BIN3: variants seen among roughly 807,000 people sequenced by gnomAD.
BIN3 encodes bridging integrator 3.
A neutral mutation model predicts 38.2 loss-of-function variants in BIN3; 41 were observed. The observed-to-expected ratio is 1.07, with a 90% CI of 0.84 to 1.39. BIN3 has a LOEUF of 1.39. Ranked by LOEUF, BIN3 falls within the 40% of genes most tolerant of loss-of-function variation. BIN3 has a pLI of 0.00. For synonymous variants in BIN3, 145 were observed against 122.6 expected (o/e 1.18, Z -1.21); for missense variants, 361 against 324.3 (o/e 1.11, Z -0.87).
chr8:22,637,164 G>A (rs773501456), intron 2 of BIN3, among the ~76,000 whole-genome samples: 18 of 152,148 alleles, frequency 1.2e-4, no homozygotes, highest in Non-Finnish European at 2.2e-4. Context: ...ACGGAGGAAG[G>A]CTCCCCTCCC....
rs1430207984 is a variant in BIN3, at chr8:22,669,103, T to C, written c.-52A>G. ...GGTCCTCAGCCACAACTCGTTTCTCTAGGGTCACTTCCGGATTCAACCAGT... is the reference window on the plus strand; with the variant it reads ...GGTCCTCAGCCACAACTCGTTTCTCCAGGGTCACTTCCGGATTCAACCAGT... On this transcript the variant is annotated 5_prime_UTR_variant, in exon 1 of 9. Coordinates refer to ENST00000276416, the MANE Select transcript of BIN3 (RefSeq NM_018688.6). 1.9e-6 allele frequency: 3 copies of C among 1,570,738 alleles called. No individual in the cohort carries two copies. The highest frequency in any genetic ancestry group is 2.6e-6 in the Non-Finnish European group (3 of 1,157,192).
chr8:22,639,374 G>A (rs1217660912), intron 2 of BIN3, among the ~76,000 whole-genome samples: 7 of 152,142 alleles, frequency 4.6e-5, no homozygotes, highest in Non-Finnish European at 7.3e-5. Context: ...TGGGACTATA[G>A]GCATATGCCA....
At chr8:22,663,034 G>A (rs1426636114) in intron 1 of BIN3, among the ~76,000 whole-genome samples, 2 of 152,190 alleles carry the variant, frequency 1.3e-5, no homozygotes, top group Admixed American at 1.3e-4. Flanking sequence ...CACGAGAATC[G>A]CTTCAACCCG....
intron 4 of BIN3, among the ~76,000 whole-genome samples, chr8:22,631,667 G>A (rs904859943): frequency 6.6e-6 from 1 of 152,176 alleles, no homozygotes; most frequent in Non-Finnish European, 1.5e-5. Flanking sequence ...CAGTGGACAG[G>A]TCCATCAGGC....
Position 22,621,375 on chromosome 8 carries a change from G to A in BIN3, c.*47C>T. Reference sequence around the variant, plus strand: ...AGCTAGCCCTGAGAAGGGCAAGGATGAATGAGGCTGACCACGTCACAGGAG... The same window carrying A: ...AGCTAGCCCTGAGAAGGGCAAGGATAAATGAGGCTGACCACGTCACAGGAG... On this transcript the variant is annotated 3_prime_UTR_variant, in exon 9 of 9. Coordinates refer to ENST00000276416, the MANE Select transcript of BIN3 (RefSeq NM_018688.6). 1 of 1,582,976 alleles carries A rather than the reference G, an allele frequency of 6.3e-7. No homozygotes were observed. The highest frequency in any genetic ancestry group is 8.6e-7 in the Non-Finnish European group (1 of 1,164,152).
At chr8:22,667,019 T>C (rs1321975224) in intron 1 of BIN3, among the ~76,000 whole-genome samples, 5 of 152,296 alleles carry the variant, frequency 3.3e-5, no homozygotes, top group South Asian at 2.1e-4. Flanking sequence ...CTGAGTGTGA[T>C]TGTGTGCCCA....
At chr8:22,660,896 G>GT in intron 1 of BIN3, among the ~76,000 whole-genome samples, 1 of 152,076 alleles carries the variant, frequency 6.6e-6, no homozygotes, top group African/African-American at 2.4e-5. Context: ...TTTTAACTTA[G>GT]TTTTTTTGAG....
intron 8 of BIN3, among the ~76,000 whole-genome samples, chr8:22,621,804 C>A (rs1801830965): frequency 6.6e-6 from 1 of 152,218 alleles, no homozygotes; most frequent in South Asian, 2.1e-4. Flanking sequence ...CTTCGGGCTC[C>A]TGGTTCCCCC....
intron 1 of BIN3, among the ~76,000 whole-genome samples, chr8:22,650,023 A>G (rs1221867463): frequency 6.6e-6 from 1 of 152,202 alleles, no homozygotes; most frequent in Non-Finnish European, 1.5e-5. Context: ...GATTTTTAAG[A>G]GCTACGGAAG....
intron 6 of BIN3, chr8:22,629,648 A>G (rs1265612934): frequency 2.2e-6 from 1 of 460,632 alleles, no homozygotes; most frequent in Non-Finnish European, 4.0e-6. Context: ...CCATTCAGCA[A>G]GCCCTGGCCC....
intron 8 of BIN3, among the ~76,000 whole-genome samples, chr8:22,622,336 C>T (rs1398614493): frequency 6.6e-6 from 1 of 152,240 alleles, no homozygotes; most frequent in East Asian, 1.9e-4. Context: ...AGGAGGAGCT[C>T]TAGACACTAA....
chr8:22,636,253 C>T (rs551879807), intron 4 of BIN3, among the ~76,000 whole-genome samples: 1 of 152,330 alleles, frequency 6.6e-6, no homozygotes, highest in African/African-American at 2.4e-5. Flanking sequence ...GAGGCATCTG[C>T]TACCAGAAGC....
Position 22,642,763 on chromosome 8 carries a change from T to G in BIN3, c.57+1992A>C, listed in dbSNP as rs567349375. Among the ~76,000 whole-genome samples the G allele has an allele frequency of 2.0e-5, 3 of 152,186 alleles. No individual in the cohort carries two copies. In the East Asian group the frequency reaches 5.8e-4, roughly 29 times the overall value. On this transcript the variant is annotated intron_variant, in intron 2 of 8. Coordinates refer to ENST00000276416, the MANE Select transcript of BIN3 (RefSeq NM_018688.6). The stretch of plus-strand genomic sequence containing the variant: ...AACTTGCCCAAGGTCAGAGACAGCA[T>G]GTGGCAGGGCCAGGATGGGGACCCA...
intron 1 of BIN3, among the ~76,000 whole-genome samples, chr8:22,646,929 AATGAGGTCCCAGTGGCATTGCAG>A (rs1802732051): frequency 2.7e-5 from 4 of 150,044 alleles, no homozygotes; most frequent in African/African-American, 5.1e-5. Context: ...AGACATTGCA[AATGAGGTCCCAGTGGCATTGCAG>A]ACAGACAGCC....
chr8:22,620,690 A>G lies in BIN3; in HGVS notation c.*732T>C, dbSNP rs1343501708. ...AGGAAGGGGTTTCCTCTGCTCGCCTAAGTTACAGCACAATACTATGTGGAC... is the reference window on the plus strand; with the variant it reads ...AGGAAGGGGTTTCCTCTGCTCGCCTGAGTTACAGCACAATACTATGTGGAC... On this transcript the variant is annotated 3_prime_UTR_variant, in exon 9 of 9. Coordinates refer to ENST00000276416, the MANE Select transcript of BIN3 (RefSeq NM_018688.6). 1 of 152,178 alleles carries G rather than the reference A, an allele frequency of 6.6e-6. No homozygotes were observed. The highest frequency in any genetic ancestry group is 1.5e-5 in the Non-Finnish European group (1 of 68,024). 9.4% of individuals were successfully genotyped at this position (152,178 alleles called of 1,614,324 possible).
intron 2 of BIN3, among the ~76,000 whole-genome samples, chr8:22,642,539 G>A (rs1008898445): frequency 2.0e-5 from 3 of 152,234 alleles, no homozygotes; most frequent in African/African-American, 7.2e-5. Flanking sequence ...GACAGGCTGA[G>A]TCCCTGATGG....
intron 2 of BIN3, among the ~76,000 whole-genome samples, chr8:22,638,546 C>A (rs111897784): frequency 0.024 from 3,581 of 152,272 alleles, 144 homozygotes; most frequent in African/African-American, 0.08. Flanking sequence ...TGGAGATAAA[C>A]AACTGCCAGA....
chr8:22,666,860 G>A (rs1315078304), intron 1 of BIN3, among the ~76,000 whole-genome samples: 1 of 152,182 alleles, frequency 6.6e-6, no homozygotes, highest in Non-Finnish European at 1.5e-5. Context: ...AGCCTCCCAT[G>A]ATGGCTCTAC....
At chr8:22,658,875 G>A (rs533902007) in intron 1 of BIN3, among the ~76,000 whole-genome samples, 5 of 152,202 alleles carry the variant, frequency 3.3e-5, no homozygotes, top group African/African-American at 9.6e-5. Context: ...CTGGCTCCCC[G>A]GTGAGTGGTC....
Sources: gnomAD v4.1 joint callset for allele counts (sites outside exome capture counted in the v4.1 genomes callset) on GRCh38, gnomAD v4.1.1 for gene constraint, MANE v1.5 for transcripts, NCBI Gene and HGNC (gene_info 2026-07-23, HGNC 2026-07-21) for gene names.